Variants in MAPK10 observed in about 807,000 individuals in gnomAD.
MAPK10 encodes JNK3 alpha protein kinase.
MAPK10 carries 25 observed loss-of-function variants against 59.3 expected under a neutral mutation model. That is an observed-to-expected ratio of 0.42 (90% CI 0.31 to 0.59). The LOEUF is 0.59. Ranked by LOEUF, MAPK10 falls within the 20% of genes least tolerant of loss-of-function variation. MAPK10 has a pLI of 0.15. For synonymous variants in MAPK10, 190 were observed against 200.5 expected (o/e 0.95, Z 0.44); for missense variants, 351 against 568.9 (o/e 0.62, Z 3.90).
intron 2 of MAPK10, among the ~76,000 whole-genome samples, chr4:86,351,699 C>T (rs1050263009): frequency 6.6e-6 from 1 of 151,698 alleles, no homozygotes; most frequent in Non-Finnish European, 1.5e-5. Context: ...GGCTTGAATG[C>T]TAAGTCCACT....
chr4:86,077,227 A>G (rs66738099), intron 9 of MAPK10, among the ~76,000 whole-genome samples: 10,358 of 152,216 alleles, frequency 0.068, 440 homozygotes, highest in African/African-American at 0.12. Flanking sequence ...AAATATGAAT[A>G]GTAAAAATGA....
intron 11 of MAPK10, among the ~76,000 whole-genome samples, chr4:86,056,795 T>C (rs1377227650): frequency 6.7e-6 from 1 of 149,586 alleles, no homozygotes. Flanking sequence ...ATTTAGTTGC[T>C]ATAGTAAATA....
At chr4:86,134,891 G>T (rs1580957773) in intron 4 of MAPK10, among the ~76,000 whole-genome samples, 1 of 152,214 alleles carries the variant, frequency 6.6e-6, no homozygotes, top group Non-Finnish European at 1.5e-5. Context: ...AGGGGTCAGG[G>T]AGTTCCCTTT....
intron 2 of MAPK10, among the ~76,000 whole-genome samples, chr4:86,287,684 A>G (rs1428898850): frequency 6.6e-6 from 1 of 152,222 alleles, no homozygotes; most frequent in Non-Finnish European, 1.5e-5. Context: ...ACACTACTAC[A>G]TAAGTCTATT....
At chr4:86,465,793 A>G (rs1370266936) in intron 1 of MAPK10, among the ~76,000 whole-genome samples, 1 of 152,194 alleles carries the variant, frequency 6.6e-6, no homozygotes, top group Non-Finnish European at 1.5e-5. Context: ...CCCCCCAGTT[A>G]CAGCCATGTT....
At chr4:86,390,908 T>G (rs1742102062) in intron 1 of MAPK10, among the ~76,000 whole-genome samples, 1 of 152,244 alleles carries the variant, frequency 6.6e-6, no homozygotes, top group Non-Finnish European at 1.5e-5. Context: ...CTCTGGTATC[T>G]TACTAGGCTT....
Position 86,567,727 on chromosome 4 carries a change from C to T in MAPK10, c.-263+26183G>A, listed in dbSNP as rs9684664. ...ATTTGATAGTAGATTCACTGACATA[C>T]GGAGAAATTTAAAAGAGAAATGTAT... On this transcript the variant is annotated intron_variant, in intron 1 of 4. Transcript: ENST00000502302. 7.3e-3 allele frequency among the ~76,000 whole-genome samples: 1,108 copies of T among 151,798 alleles called. 10 individuals are homozygous for T. Among genetic ancestry groups the T allele is most frequent in the African/African-American group, 0.024 (1,002 of 41,342 alleles).
At chr4:86,133,025 G>A (rs191952512) in intron 4 of MAPK10, among the ~76,000 whole-genome samples, 9 of 152,200 alleles carry the variant, frequency 5.9e-5, no homozygotes, top group African/African-American at 1.4e-4. Flanking sequence ...CCACGAAATC[G>A]GTCCCTGGTG....
intron 1 of MAPK10, among the ~76,000 whole-genome samples, chr4:86,551,526 T>C (rs1386960367): frequency 6.6e-6 from 1 of 152,066 alleles, no homozygotes; most frequent in Non-Finnish European, 1.5e-5. Context: ...CTTCCTTCCA[T>C]CTTTCCTTCC....
rs919433399 is a variant in MAPK10 at position 86,014,192 on chromosome 4, T to A, written c.*3036A>T. On this transcript the variant is annotated 3_prime_UTR_variant, in exon 14 of 14. Transcript: ENST00000641462. ...TTCCAAAATGAGCCCCAACCCCAGG[T>A]AGAACCTTCACTTTTTTTCAGGAAT... The A allele has an allele frequency of 3.9e-5, 6 of 152,088 alleles. No individual in the cohort carries two copies. The highest frequency in any genetic ancestry group is 1.4e-4 in the African/African-American group (6 of 41,392). The allele number at this position is 152,088 out of a possible 1,614,324, so 9.4% of individuals were successfully genotyped here.
At chr4:86,239,961 C>CT (rs1563466094) in intron 2 of MAPK10, among the ~76,000 whole-genome samples, 1 of 152,100 alleles carries the variant, frequency 6.6e-6, no homozygotes, top group Non-Finnish European at 1.5e-5. Flanking sequence ...GATCTGAGAT[C>CT]TTTCTAGCTT....
intron 1 of MAPK10, among the ~76,000 whole-genome samples, chr4:86,404,011 A>T (rs1744053977): frequency 6.6e-6 from 1 of 152,150 alleles, no homozygotes; most frequent in Admixed American, 6.5e-5. Flanking sequence ...TACCATTATG[A>T]CATATTCAAT....
At chr4:86,350,044 C>T (rs1730368309) in intron 2 of MAPK10, among the ~76,000 whole-genome samples, 1 of 151,952 alleles carries the variant, frequency 6.6e-6, no homozygotes, top group Admixed American at 6.6e-5. Flanking sequence ...GGGAGTATGA[C>T]ATATCATTTT....
At chr4:86,335,020 C>G (rs1720306526) in intron 2 of MAPK10, 1 of 152,014 alleles carries the variant, frequency 6.6e-6, no homozygotes, top group Non-Finnish European at 1.5e-5. Context: ...TTAATGCCAA[C>G]AGGAAAATAC....
intron 1 of MAPK10, among the ~76,000 whole-genome samples, chr4:86,546,643 T>C (rs1759199906): frequency 6.6e-6 from 1 of 151,990 alleles, no homozygotes; most frequent in Admixed American, 6.5e-5. Context: ...ATAGGTCCTA[T>C]GTGACTGCAC....
chr4:86,496,225 C>T (rs1458687329), intron 1 of MAPK10, among the ~76,000 whole-genome samples: 4 of 152,122 alleles, frequency 2.6e-5, no homozygotes, highest in African/African-American at 4.8e-5. Context: ...ATGTTGAAAA[C>T]TCTATTTTTG....
At position 86,372,571 on chromosome 4, in the gene MAPK10, A is replaced by AGAAAGAAAG. The variant is rs1554253762; in HGVS notation, c.-121-17928_-121-17927insCTTTCTTTC. On this transcript the variant is annotated intron_variant, in intron 1 of 13. Transcript: ENST00000361569. ...AAGAAAGAAAGAAAGAAAGAAAGAA[A>AGAAAGAAAG]AGAAAAGAAAAGAAAAGAAAAGAAA... 8.8e-5 allele frequency among the ~76,000 whole-genome samples: 13 copies of AGAAAGAAAG among 148,476 alleles called. 1 individual carries two copies. The highest frequency in any genetic ancestry group is 1.3e-4 in the African/African-American group (5 of 39,738).
At chr4:86,524,006 G>T (rs1757297380) in intron 1 of MAPK10, among the ~76,000 whole-genome samples, 1 of 152,082 alleles carries the variant, frequency 6.6e-6, no homozygotes, top group Non-Finnish European at 1.5e-5. Context: ...AAGGGTGAGT[G>T]AGTTCCCATT....
intron 2 of MAPK10, among the ~76,000 whole-genome samples, chr4:86,332,953 G>A (rs1048936316): frequency 6.6e-5 from 10 of 152,068 alleles, no homozygotes; most frequent in African/African-American, 2.4e-4. Context: ...GTATGGCTGC[G>A]GAGTTTTGTT....
Sources: gnomAD v4.1 joint callset for allele counts (sites outside exome capture counted in the v4.1 genomes callset) on GRCh38, gnomAD v4.1.1 for gene constraint, MANE v1.5 for transcripts, NCBI Gene and HGNC (gene_info 2026-07-23, HGNC 2026-07-21) for gene names.